Variants in CROCC observed in about 807,000 individuals in gnomAD.
The protein encoded by CROCC is ciliary rootlet coiled-coil, rootletin.
Under a neutral mutation model 245.2 loss-of-function variants are expected in CROCC, and 180 were observed. That is an observed-to-expected ratio of 0.73 (90% confidence interval 0.65 to 0.83). CROCC has a LOEUF of 0.83. Among genes scored for constraint, CROCC ranks in the 40% least tolerant of loss-of-function variants. The pLI is 0.00. For missense variants in CROCC, 2,688 were observed against 2,779.4 expected (o/e 0.97, Z 0.74); for synonymous variants, 1,205 against 1,241.6 (o/e 0.97, Z 0.62).
Position 16,954,999 on chromosome 1 carries a change from T to C in CROCC, c.3465+122T>C. 1 of 1,249,024 alleles carries C rather than the reference T, an allele frequency of 8.0e-7. No homozygotes were observed. Among genetic ancestry groups the C allele is most frequent in the East Asian group, 2.6e-5 (1 of 38,846 alleles). The allele number at this position is 1,249,024 out of a possible 1,614,324, so 77.4% of individuals were successfully genotyped here. Reference sequence around the variant, plus strand: ...CTCCCTGCATTTGAGGACCAATGAATAGCAACTTAGAAAGGAGGCAGCAAG... The same window carrying C: ...CTCCCTGCATTTGAGGACCAATGAACAGCAACTTAGAAAGGAGGCAGCAAG... On this transcript the variant is annotated intron_variant, in intron 23 of 36. Transcript: ENST00000375541. The surrounding 1 kb of genome is among the most constrained non-coding windows in gnomAD (Gnocchi z 4.4).
upstream of CROCC, among the ~76,000 whole-genome samples, chr1:16,917,202 G>A (rs1366516913): frequency 2.0e-5 from 3 of 152,294 alleles, no homozygotes; most frequent in African/African-American, 7.2e-5. Context: ...TTTGTGGCTG[G>A]GTGCATTGGA....
chr1:16,956,430 C>T (rs2076251443), intron 25 of CROCC, among the ~76,000 whole-genome samples: 1 of 152,204 alleles, frequency 6.6e-6, no homozygotes, highest in Non-Finnish European at 1.5e-5. Flanking sequence ...TCAAAGGAAT[C>T]TGCAAACAAC....
At chr1:16,969,680 A>G in intron 32 of CROCC, 105 bp from the exon 33 acceptor site, 1 of 1,471,006 alleles carries the variant, frequency 6.8e-7, no homozygotes, top group Non-Finnish European at 9.1e-7. Flanking sequence ...TCCAGGTGAG[A>G]TGACTGCCTG....
At position 16,960,780 on chromosome 1, in the gene CROCC, T is replaced by C; in HGVS notation, c.4055T>C (p.Leu1352Pro). The change falls in exon 27 of 37, where the codon CTG becomes CCG. Residue 1352 changes from leucine (L) to proline (P), a missense_variant. Leu to Pro is a moderately conservative substitution (Grantham distance 98). Around this residue, in one of 9 missense-constraint regions of CROCC, gnomAD observed 1,218 missense variants for 1,286.3 expected, o/e 0.95. Transcript: ENST00000375541. ...RQELQVAQRK[L>P]QEQEGEFRTR... Reference sequence around the variant, plus strand: ...CAGCTCCAGGTAGCCCAGCGGAAGCTGCAGGAACAAGAAGGCGAGTTCCGG... The same window carrying C: ...CAGCTCCAGGTAGCCCAGCGGAAGCCGCAGGAACAAGAAGGCGAGTTCCGG... 6.5e-6 allele frequency: 10 copies of C among 1,540,006 alleles called. No homozygotes were observed. Among genetic ancestry groups the C allele is most frequent in the Non-Finnish European group, 7.8e-6 (9 of 1,150,788 alleles).
intron 8 of CROCC, among the ~76,000 whole-genome samples, chr1:16,935,877 C>T (rs1451904037): frequency 1.3e-5 from 2 of 152,270 alleles, no homozygotes; most frequent in African/African-American, 4.8e-5. Context: ...CAAGCCATCT[C>T]CTCTGTGCTG....
At chr1:16,965,368 T>G (rs2076400466) in intron 27 of CROCC, among the ~76,000 whole-genome samples, 1 of 152,028 alleles carries the variant, frequency 6.6e-6, no homozygotes, top group Non-Finnish European at 1.5e-5. Context: ...CAGACCCCGC[T>G]GAGGGTGGGA....
At chr1:16,950,155 C>G (rs1479538689) in intron 19 of CROCC, among the ~76,000 whole-genome samples, 1 of 147,396 alleles carries the variant, frequency 6.8e-6, no homozygotes. Flanking sequence ...CTTCTGCCTC[C>G]TGCATTCAAG....
intron 34 of CROCC, 75 bp downstream of exon 34, chr1:16,970,528 G>A (rs745450288): frequency 1.4e-6 from 2 of 1,480,382 alleles, no homozygotes; most frequent in Non-Finnish European, 1.8e-6. Context: ...ACATCCCCAG[G>A]GTCTGCTACC....
intron 1 of CROCC, among the ~76,000 whole-genome samples, chr1:16,916,436 A>G (rs959522567): frequency 2.0e-5 from 3 of 152,286 alleles, no homozygotes; most frequent in Admixed American, 6.5e-5. Context: ...AGTGGCTTAT[A>G]TAATACACAT....
chr1:16,955,079 T>C (rs539414744), intron 23 of CROCC, among the ~76,000 whole-genome samples: 1 of 151,990 alleles, frequency 6.6e-6, no homozygotes, highest in South Asian at 2.1e-4. Context: ...GAGGGGTGAG[T>C]GGGGTCTCTG....
At chr1:16,969,561 TG>T (rs1052140846) in intron 32 of CROCC, among the ~76,000 whole-genome samples, 2 of 152,112 alleles carry the variant, frequency 1.3e-5, no homozygotes, top group Non-Finnish European at 2.9e-5. Context: ...GGTATAGACT[TG>T]GGGGGACCCA....
intron 8 of CROCC, among the ~76,000 whole-genome samples, chr1:16,931,700 G>A (rs1235474899): frequency 6.6e-6 from 1 of 152,286 alleles, no homozygotes; most frequent in Admixed American, 6.5e-5. Context: ...GAGAGGTTGA[G>A]TGATCTTCCT....
chr1:16,962,239 AT>A (rs1253863409), intron 27 of CROCC, among the ~76,000 whole-genome samples: 1 of 150,930 alleles, frequency 6.6e-6, no homozygotes, highest in African/African-American at 2.4e-5. Flanking sequence ...TAATTTTTGT[AT>A]TTTTAGTAGA....
At chr1:16,941,607 C>T (rs1056863168) in intron 13 of CROCC, among the ~76,000 whole-genome samples, 2 of 151,840 alleles carry the variant, frequency 1.3e-5, no homozygotes, top group African/African-American at 4.8e-5. Context: ...TGGCAGGCAC[C>T]TATAGTCCCA....
chr1:16,942,247 C>A (rs1243050663), intron 13 of CROCC, among the ~76,000 whole-genome samples: 1 of 152,362 alleles, frequency 6.6e-6, no homozygotes, highest in African/African-American at 2.4e-5. Context: ...CTGAGCCCGT[C>A]TCGGCCTCCC....
In CROCC at chr1:16,968,141, C is replaced by G. The variant is rs942890863; in HGVS notation, c.4861-62C>G. 8.0e-6 allele frequency: 12 copies of G among 1,491,628 alleles called. No homozygotes were observed. The African/African-American group carries it at 1.4e-4, about 17-fold the overall frequency. The allele number at this position is 1,491,628 out of a possible 1,614,324, so 92.4% of individuals were successfully genotyped here. A position where few individuals can be genotyped will look rare whatever the true frequency, so the allele number is the denominator to read the frequency against. On this transcript the variant is annotated intron_variant, in intron 30 of 36. Coordinates refer to ENST00000375541, the MANE Select transcript of CROCC (RefSeq NM_014675.5). Reference sequence around the variant, plus strand: ...CACTTTCCCCCTAAGGGCCCCAGGGCGTGTGCGGGAGGGCTGCGGGGTGCA... The same window carrying G: ...CACTTTCCCCCTAAGGGCCCCAGGGGGTGTGCGGGAGGGCTGCGGGGTGCA...
Position 16,930,577 on chromosome 1 carries a change from T to C in CROCC, c.832T>C (p.Trp278Arg), listed in dbSNP as rs1213808850. The C allele has an allele frequency of 6.2e-7, 1 of 1,611,030 alleles. No homozygotes were observed. The highest frequency in any genetic ancestry group is 1.1e-5 in the South Asian group (1 of 90,692). ...GGAGCTGGAGCACCGGGAGGCGGCG[T>C]GGAGGCGCGAGGAGGAGGTGGGCAT... is the stretch of plus-strand genomic sequence containing the variant. ...RKELEHREAA[W>R]RREEESFNAY... Residue 278 changes from tryptophan (W) to arginine (R), a missense_variant, in exon 7 of 37, where the codon TGG becomes CGG. By Grantham distance (101) the Trp-to-Arg change is moderately radical. Transcript: ENST00000375541.
At chr1:16,959,718 T>G (rs1416833821) in intron 26 of CROCC, among the ~76,000 whole-genome samples, 2 of 152,092 alleles carry the variant, frequency 1.3e-5, no homozygotes, top group Non-Finnish European at 2.9e-5. Context: ...GTGTGCAAAT[T>G]TATTGATAAA....
intron 25 of CROCC, among the ~76,000 whole-genome samples, chr1:16,956,448 A>G (rs1289259549): frequency 1.3e-5 from 2 of 152,346 alleles, no homozygotes; most frequent in East Asian, 3.9e-4. Context: ...AACAAAAGGT[A>G]CAGATTTTGT....
Sources: allele counts gnomAD v4.1 joint callset (sites outside exome capture counted in the v4.1 genomes callset), GRCh38; gene constraint gnomAD v4.1.1; regional missense constraint gnomAD v4.1.1; non-coding constraint Gnocchi (gnomAD v3.1); transcripts MANE v1.5; gene names NCBI Gene and HGNC (gene_info 2026-07-23, HGNC 2026-07-21).